Variants in MTRFR observed in about 807,000 individuals in gnomAD.
MTRFR encodes probable peptide chain release factor C12orf65, mitochondrial.
MTRFR carries 10 observed loss-of-function variants against 11.9 expected under a neutral mutation model. The ratio of observed to expected loss-of-function variants is 0.84; its 90% CI spans 0.52 to 1.42. The LOEUF (loss-of-function observed/expected upper bound fraction) is 1.42, where lower values mean the gene tolerates loss of function less well. MTRFR is among the 40% of genes most tolerant of loss of function. The pLI, the probability that MTRFR is intolerant of heterozygous loss-of-function variation, is 0.00. For synonymous variants in MTRFR, 77 were observed against 79.1 expected, an observed-to-expected ratio of 0.97 and a Z score of 0.14; for missense variants, 196 against 197.9, an observed-to-expected ratio of 0.99 and a Z score of 0.06.
At chr12:123,250,253 T>G (rs1345079945) in intron 1 of MTRFR, 1 of 152,234 alleles carries the variant, frequency 6.6e-6, no homozygotes, top group African/African-American at 2.4e-5. Context: ...AGCTATCTAT[T>G]TCCCTGAGTG....
chr12:123,251,817 G>A (rs745644774), intron 1 of MTRFR, among the ~76,000 whole-genome samples: 1 of 152,198 alleles, frequency 6.6e-6, no homozygotes, highest in Non-Finnish European at 1.5e-5. Flanking sequence ...ATGCTGCTCT[G>A]TCTGAAGCTA....
At chr12:123,234,408 G>C (rs895594084) in intron 1 of MTRFR, among the ~76,000 whole-genome samples, 1 of 150,424 alleles carries the variant, frequency 6.6e-6, no homozygotes, top group Non-Finnish European at 1.5e-5. Context: ...GGGGAGGGGG[G>C]TAGGGGGGAC....
chr12:123,246,348 A>G (rs2048040147), intron 1 of MTRFR, among the ~76,000 whole-genome samples: 1 of 152,166 alleles, frequency 6.6e-6, no homozygotes, highest in South Asian at 2.1e-4. Context: ...CTCAGTTTGA[A>G]GAATTTTTTA....
rs941522491 is a variant in MTRFR at position 123,256,935 on chromosome 12, G to A, written c.405G>A (p.Ala135=). The change falls in exon 3 of 3, where the codon GCG becomes GCA. Residue 135 remains alanine, a synonymous_variant. Transcript: ENST00000253233. The stretch of plus-strand genomic sequence containing the variant: ...TTCACAAAGAAAAACGAGAAGCGGC[G>A]AAGAAAAAACAAGAAAGGAAAAAAA... ...SPVHKEKREA[A]KKKQERKKRA... 8.1e-6 allele frequency: 13 copies of A among 1,613,262 alleles called. No homozygotes were observed. Among genetic ancestry groups the A allele is most frequent in the African/African-American group, 4.0e-5 (3 of 74,764 alleles).
chr12:123,257,313 G>C lies in MTRFR; in HGVS notation c.*282G>C. The stretch of plus-strand genomic sequence containing the variant: ...GCGGATCACTTGAGGTCAGGAGTTT[G>C]AGACCAGCCTGGCCAACATGGTGAA... On this transcript the variant is annotated 3_prime_UTR_variant, in exon 3 of 3. Transcript: ENST00000253233. 1 of 342,846 alleles carries C rather than the reference G, an allele frequency of 2.9e-6. No individual in the cohort carries two copies. Among genetic ancestry groups the C allele is most frequent in the Non-Finnish European group, 5.5e-6 (1 of 182,958 alleles). The allele number at this position is 342,846 out of a possible 1,614,324, so 21.2% of individuals were successfully genotyped here.
chr12:123,234,619 A>T (rs2047807347), intron 1 of MTRFR, among the ~76,000 whole-genome samples: 6 of 152,228 alleles, frequency 3.9e-5, no homozygotes, highest in Admixed American at 3.9e-4. Flanking sequence ...CTGGTCTCGA[A>T]TTCCTGACCT....
intron 1 of MTRFR, chr12:123,253,290 G>A (rs1017901682): frequency 4.0e-5 from 11 of 275,530 alleles, no homozygotes; most frequent in African/African-American, 6.7e-5. Context: ...CACCTGCCTC[G>A]GCCTCCCAAA....
chr12:123,247,959 A>G (rs559127729), intron 1 of MTRFR, among the ~76,000 whole-genome samples: 3 of 152,114 alleles, frequency 2.0e-5, no homozygotes, highest in African/African-American at 7.2e-5. Context: ...AAAAAAAGAA[A>G]GAAATGTGAG....
chr12:123,232,962 A>G (rs2047733927), upstream of MTRFR: 1 of 152,184 alleles, frequency 6.6e-6, no homozygotes, highest in African/African-American at 2.4e-5. Flanking sequence ...GGCAGCCGTC[A>G]CCCCACACCC....
chr12:123,243,901 G>GAA (rs1469778228), intron 1 of MTRFR: 14 of 152,192 alleles, frequency 9.2e-5, no homozygotes, highest in Non-Finnish European at 1.6e-4. Flanking sequence ...CCTCCTCAGT[G>GAA]GGTATCTATC....
chr12:123,248,096 ATG>A (rs761668212), intron 1 of MTRFR, among the ~76,000 whole-genome samples: 84 of 152,148 alleles, frequency 5.5e-4, no homozygotes, highest in South Asian at 1.2e-3. Flanking sequence ...TTCTGTTTTG[ATG>A]TGTTTCCAGG....
At chr12:123,236,560 C>G (rs1007867106) in intron 1 of MTRFR, among the ~76,000 whole-genome samples, 3 of 151,114 alleles carry the variant, frequency 2.0e-5, no homozygotes, top group African/African-American at 7.3e-5. Context: ...TGCCACTGCA[C>G]TCCACTTGGG....
intron 2 of MTRFR, among the ~76,000 whole-genome samples, chr12:123,255,685 C>T (rs1014532443): frequency 5.9e-5 from 9 of 152,008 alleles, no homozygotes; most frequent in South Asian, 2.1e-4. Context: ...AGTGCAGTGG[C>T]GCAATCTCAG....
At chr12:123,237,364 A>C (rs1383219172) in intron 1 of MTRFR, among the ~76,000 whole-genome samples, 1 of 152,196 alleles carries the variant, frequency 6.6e-6, no homozygotes, top group African/African-American at 2.4e-5. Context: ...TGGGAGGCAG[A>C]GGTTGCAGTG....
Position 123,257,180 on chromosome 12 carries a change from C to G in MTRFR, c.*149C>G, listed in dbSNP as rs757387923. 81 of 721,130 alleles carry G rather than the reference C, an allele frequency of 1.1e-4. No individual in the cohort carries two copies. The highest frequency in any genetic ancestry group is 1.9e-4 in the Non-Finnish European group (78 of 415,074). The allele number at this position is 721,130 out of a possible 1,614,324, so 44.7% of individuals were successfully genotyped here. ...ACAACAAATTTATTTAAATGGTGCA[C>G]TAAACTGTAGTGAACAGAGACATGC... is the stretch of plus-strand genomic sequence containing the variant. On this transcript the variant is annotated 3_prime_UTR_variant, in exon 3 of 3. Transcript: ENST00000253233.
intron 1 of MTRFR, chr12:123,251,642 A>G (rs932783482): frequency 3.3e-5 from 5 of 152,660 alleles, no homozygotes; most frequent in African/African-American, 9.7e-5. Flanking sequence ...GGAGAGGAGG[A>G]TCTCCCTTTC....
Position 123,257,430 on chromosome 12 carries a change from T to C in MTRFR, c.*399T>C. The C allele has an allele frequency of 9.7e-6, 2 of 206,484 alleles. No individual in the cohort carries two copies. The highest frequency in any genetic ancestry group is 2.0e-5 in the Non-Finnish European group (2 of 102,116). 12.8% of individuals were successfully genotyped at this position (206,484 alleles called of 1,614,324 possible). A position where few individuals can be genotyped will look rare whatever the true frequency, so the allele number is the denominator to read the frequency against. On this transcript the variant is annotated 3_prime_UTR_variant, in exon 3 of 3. Transcript: ENST00000253233. The stretch of plus-strand genomic sequence containing the variant: ...ACTCGGGAGGCCGAGGCAGGAGAAT[T>C]GCGTGAACCTGGGAGGCGGAGGTTG...
chr12:123,243,651 G>A (rs1238928779), intron 1 of MTRFR, among the ~76,000 whole-genome samples: 2 of 152,082 alleles, frequency 1.3e-5, no homozygotes, highest in East Asian at 3.8e-4. Flanking sequence ...GTTGCAGGGA[G>A]CCGAGATCGC....
chr12:123,245,769 T>C (rs1233484225), intron 1 of MTRFR, among the ~76,000 whole-genome samples: 2 of 152,212 alleles, frequency 1.3e-5, no homozygotes, highest in African/African-American at 4.8e-5. Context: ...TCCAGAAACT[T>C]TGTGAATTCT....
Sources: allele counts gnomAD v4.1 joint callset (sites outside exome capture counted in the v4.1 genomes callset), GRCh38; gene constraint gnomAD v4.1.1; transcripts MANE v1.5; gene names NCBI Gene and HGNC (gene_info 2026-07-23, HGNC 2026-07-21).